The following NKAIN3 variants were observed in gnomAD, a reference collection of about 807,000 sequenced individuals.
The protein encoded by NKAIN3 is sodium/potassium-transporting ATPase subunit beta-1-interacting protein 3.
NKAIN3 carries 25 observed loss-of-function variants against 30.2 expected under a neutral mutation model. That is an observed-to-expected ratio of 0.83 (90% confidence interval 0.60 to 1.16). The LOEUF (loss-of-function observed/expected upper bound fraction) is 1.16. Among genes scored for constraint, NKAIN3 ranks in the 50% most tolerant of loss-of-function variants. The pLI, the probability that NKAIN3 is intolerant of heterozygous loss-of-function variation, is 0.00. For missense variants in NKAIN3, 225 were observed against 254.1 expected (o/e 0.89, Z 0.78); for synonymous variants, 91 against 89.6 (o/e 1.02, Z -0.09).
intron 3 of NKAIN3, among the ~76,000 whole-genome samples, chr8:62,720,180 A>C (rs1471114570): frequency 1.3e-5 from 2 of 152,226 alleles, no homozygotes; most frequent in African/African-American, 4.8e-5. Flanking sequence ...TAATTCATAC[A>C]TCCCAAGTTA....
intron 3 of NKAIN3, among the ~76,000 whole-genome samples, chr8:62,640,931 C>A (rs1269550592): frequency 3.3e-5 from 5 of 152,076 alleles, no homozygotes; most frequent in Admixed American, 1.3e-4. Context: ...ATTCTTTAAC[C>A]CCAGTAATGT....
chr8:62,964,537 A>AGAGTGTGTGTGT (rs1386858813), intron 6 of NKAIN3, among the ~76,000 whole-genome samples: 36 of 133,228 alleles, frequency 2.7e-4, no homozygotes, highest in South Asian at 1.5e-3. Flanking sequence ...AGAGAGAGAG[A>AGAGTGTGTGTGT]GTGTGTGTGT....
intron 5 of NKAIN3, among the ~76,000 whole-genome samples, chr8:62,919,797 T>C (rs1286317376): frequency 1.3e-5 from 2 of 152,064 alleles, no homozygotes; most frequent in African/African-American, 2.4e-5. Context: ...CAGAATCTGA[T>C]GGGGTCTTGT....
intron 1 of NKAIN3, among the ~76,000 whole-genome samples, chr8:62,407,425 G>A (rs1342112388): frequency 4.1e-4 from 1 of 2,440 alleles, no homozygotes; most frequent in African/African-American, 5.3e-3. Flanking sequence ...TTTTTGAGAC[G>A]GAGTCTCGTG....
chr8:62,392,207 G>A (rs1817603617), intron 1 of NKAIN3, among the ~76,000 whole-genome samples: 1 of 152,014 alleles, frequency 6.6e-6, no homozygotes, highest in Non-Finnish European at 1.5e-5. Flanking sequence ...ATTTTACTCT[G>A]AGTAAGAGTT....
intron 1 of NKAIN3, among the ~76,000 whole-genome samples, chr8:62,341,566 A>C (rs143883211): frequency 2.0e-5 from 3 of 152,082 alleles, no homozygotes; most frequent in African/African-American, 7.2e-5. Context: ...TTAACTCTCC[A>C]AAGAAATTAC....
At chr8:62,315,208 A>G (rs1264481741) in intron 1 of NKAIN3, among the ~76,000 whole-genome samples, 1 of 152,182 alleles carries the variant, frequency 6.6e-6, no homozygotes, top group Admixed American at 6.6e-5. Context: ...ACTACAAAGG[A>G]AAATCTTGTC....
At chr8:62,858,146 T>A (rs980919374) in intron 4 of NKAIN3, among the ~76,000 whole-genome samples, 1 of 152,096 alleles carries the variant, frequency 6.6e-6, no homozygotes, top group Non-Finnish European at 1.5e-5. Context: ...CTCCAGACCC[T>A]AGTTACCTCC....
chr8:62,980,754 T>A lies in NKAIN3; in HGVS notation c.*15347T>A, dbSNP rs1282286101. The stretch of plus-strand genomic sequence containing the variant: ...CACCAAGTGAAATAACTGTGGAGAA[T>A]GGAATGTTGGACAATTTGTGTGGCA... On this transcript the variant is annotated 3_prime_UTR_variant, in exon 7 of 7. Transcript: ENST00000623646. The A allele has an allele frequency of 6.6e-6, 1 of 152,222 alleles. No homozygotes were observed. Among genetic ancestry groups the A allele is most frequent in the African/African-American group, 2.4e-5 (1 of 41,464 alleles). The allele number at this position is 152,222 out of a possible 1,614,324, so 9.4% of individuals were successfully genotyped here. A position where few individuals can be genotyped will look rare whatever the true frequency, so the allele number is the denominator to read the frequency against.
intron 4 of NKAIN3, chr8:62,864,050 C>A: frequency 1.4e-6 from 1 of 694,226 alleles, no homozygotes; most frequent in Non-Finnish European, 2.6e-6. Context: ...CGCTTTTGGG[C>A]CTGAATGGGC....
rs1229177745 is a variant in NKAIN3, at chr8:62,976,185, A to G, written c.*10778A>G. Among the ~76,000 whole-genome samples, 3 of 151,970 alleles carry G rather than the reference A, an allele frequency of 2.0e-5. No homozygotes were observed. In the East Asian group the frequency reaches 5.8e-4, roughly 29 times the overall value. ...GTTGATTTGGGGTGGAGAGTTCTGTAGATATCTATTAGGTCTGCTTGGTCA... is the reference window on the plus strand; with the variant it reads ...GTTGATTTGGGGTGGAGAGTTCTGTGGATATCTATTAGGTCTGCTTGGTCA... On this transcript the variant is annotated 3_prime_UTR_variant, in exon 7 of 7. Coordinates refer to ENST00000623646, the MANE Select transcript of NKAIN3 (RefSeq NM_001304533.3).
At chr8:62,754,990 A>G (rs555232317) in intron 4 of NKAIN3, among the ~76,000 whole-genome samples, 7 of 152,370 alleles carry the variant, frequency 4.6e-5, no homozygotes, top group East Asian at 1.9e-4. Context: ...ATGTAAATAT[A>G]GTTAAAAGAT....
At chr8:62,627,645 A>T (rs1211813786) in intron 3 of NKAIN3, among the ~76,000 whole-genome samples, 1 of 152,144 alleles carries the variant, frequency 6.6e-6, no homozygotes, top group Non-Finnish European at 1.5e-5. Context: ...TTCAGTAATT[A>T]CAACTTACCT....
intron 3 of NKAIN3, among the ~76,000 whole-genome samples, chr8:62,595,844 T>C (rs1045128384): frequency 1.3e-5 from 2 of 151,966 alleles, no homozygotes; most frequent in African/African-American, 4.8e-5. Flanking sequence ...AGCAGGCCTG[T>C]CCAGGGGTCT....
intron 1 of NKAIN3, among the ~76,000 whole-genome samples, chr8:62,566,417 T>C (rs1008340981): frequency 1.3e-5 from 2 of 152,030 alleles, no homozygotes; most frequent in Non-Finnish European, 2.9e-5. Context: ...TTTGTACTCC[T>C]AGTGCTTACC....
At chr8:62,939,204 A>C (rs1464837704) in intron 5 of NKAIN3, among the ~76,000 whole-genome samples, 1 of 152,192 alleles carries the variant, frequency 6.6e-6, no homozygotes, top group Non-Finnish European at 1.5e-5. Flanking sequence ...AACAAAAACA[A>C]AGAAAAAAAT....
intron 4 of NKAIN3, among the ~76,000 whole-genome samples, chr8:62,881,742 A>G (rs1206069396): frequency 2.0e-5 from 3 of 152,220 alleles, no homozygotes; most frequent in Non-Finnish European, 4.4e-5. Flanking sequence ...ACTGTTTTGC[A>G]TGAATACCAA....
chr8:62,800,802 G>A (rs921872798), intron 4 of NKAIN3, among the ~76,000 whole-genome samples: 3 of 152,228 alleles, frequency 2.0e-5, no homozygotes, highest in Non-Finnish European at 4.4e-5. Flanking sequence ...GCAAGCTGAA[G>A]CAGGGCGAGG....
At chr8:62,939,243 A>C (rs1193850641) in intron 5 of NKAIN3, among the ~76,000 whole-genome samples, 2 of 152,194 alleles carry the variant, frequency 1.3e-5, no homozygotes, top group African/African-American at 4.8e-5. Context: ...GCCTCTACGA[A>C]GTTTGGGATT....
Sources: allele counts gnomAD v4.1 joint callset (sites outside exome capture counted in the v4.1 genomes callset), GRCh38; gene constraint gnomAD v4.1.1; transcripts MANE v1.5; gene names NCBI Gene and HGNC (gene_info 2026-07-23, HGNC 2026-07-21).